Variants in FTL observed in about 807,000 individuals in gnomAD.
FTL encodes ferritin light chain.
A neutral mutation model predicts 16.6 loss-of-function variants in FTL; 17 were observed. The observed-to-expected ratio is 1.02, with a 90% CI of 0.70 to 1.53. The LOEUF is 1.53. Among genes scored for constraint, FTL ranks in the 40% most tolerant of loss-of-function variants. The pLI, the probability that FTL is intolerant of heterozygous loss-of-function variation, is 0.00. For synonymous variants in FTL, 73 were observed against 89.9 expected, an observed-to-expected ratio of 0.81 and a Z score of 1.06; for missense variants, 186 against 226.1, an observed-to-expected ratio of 0.82 and a Z score of 1.14.
intron 1 of FTL, 35 bp from the exon 2 acceptor site, chr19:48,965,735 C>G: frequency 6.2e-7 from 1 of 1,614,068 alleles, no homozygotes; most frequent in South Asian, 1.1e-5. Context: ...GCCTCGCCTC[C>G]CGCTAACCAT....
Position 48,966,417 on chromosome 19 carries a change from G to A in FTL, c.375+11G>A, listed in dbSNP as rs761845304. 8.7e-6 allele frequency: 14 copies of A among 1,614,042 alleles called. No individual in the cohort carries two copies. Among genetic ancestry groups the A allele is most frequent in the East Asian group, 2.2e-5 (1 of 44,886 alleles). On this transcript the variant is annotated intron_variant, in intron 3 of 3. Coordinates refer to ENST00000331825, the MANE Select transcript of FTL (RefSeq NM_000146.4). ...CGCACGGACCCCCATGTACGTACCC[G>A]CTGCATCCATGGCTACCCAACCATA...
chr19:48,966,416 C>G lies in FTL; in HGVS notation c.375+10C>G, dbSNP rs373135198. On this transcript the variant is annotated intron_variant, in intron 3 of 3. Coordinates refer to ENST00000331825, the MANE Select transcript of FTL (RefSeq NM_000146.4). Reference sequence around the variant, plus strand: ...CCGCACGGACCCCCATGTACGTACCCGCTGCATCCATGGCTACCCAACCAT... The same window carrying G: ...CCGCACGGACCCCCATGTACGTACCGGCTGCATCCATGGCTACCCAACCAT... 3 of 1,613,968 alleles carry G rather than the reference C, an allele frequency of 1.9e-6. No individual in the cohort carries two copies. Among genetic ancestry groups the G allele is most frequent in the Admixed American group, 3.3e-5 (2 of 59,998 alleles).
chr19:48,965,643 C>A (rs1309191307), intron 1 of FTL, 34 bp downstream of exon 1: 3 of 1,603,244 alleles, frequency 1.9e-6, no homozygotes, highest in Non-Finnish European at 2.6e-6. Context: ...CCCTAATTTC[C>A]TCCAGCTGCG....
At chr19:48,965,698 GGGTA>G (rs879915309) in intron 1 of FTL, 68 bp from the exon 2 acceptor site, 51 of 1,608,866 alleles carry the variant, frequency 3.2e-5, no homozygotes, top group Non-Finnish European at 4.3e-5. Context: ...TTGTGCGGTC[GGGTA>G]AACAGAGGGC....
rs2038459506 is a variant in FTL at position 48,966,618 on chromosome 19, G to A, written c.411G>A (p.Glu137=). 3 of 1,613,988 alleles carry A rather than the reference G, an allele frequency of 1.9e-6. No homozygotes were observed. Among genetic ancestry groups the A allele is most frequent in the African/African-American group, 1.3e-5 (1 of 74,894 alleles). ...CDFLETHFLD[E]EVKLIKKMGD... is the part of the protein sequence containing the mutation. ...TCCTGGAGACTCACTTCCTAGATGA[G>A]GAAGTGAAGCTTATCAAGAAGATGG... is the stretch of plus-strand genomic sequence containing the variant. Residue 137 remains glutamate (E), a synonymous_variant, in exon 4 of 4, where the codon GAG becomes GAA. Coordinates refer to ENST00000331825, the MANE Select transcript of FTL (RefSeq NM_000146.4).
At position 48,965,851 on chromosome 19, in the gene FTL, G is replaced by A. The variant is rs549311032; in HGVS notation, c.184G>A (p.Gly62Ser). ...FRELAEEKRE[G>S]YERLLKMQNQ... ...CGAATTGGCCGAGGAGAAGCGCGAG[G>A]GCTACGAGCGTCTCCTGAAGATGCA... Residue 62 changes from glycine (G) to serine (S), a missense_variant, in exon 2 of 4, where the codon GGC (glycine) becomes AGC (serine). Physicochemically the swap from Gly to Ser is moderately conservative, Grantham distance 56. Transcript: ENST00000331825. 4 of 1,614,172 alleles carry A rather than the reference G, an allele frequency of 2.5e-6. No individual in the cohort carries two copies. Among genetic ancestry groups the A allele is most frequent in the Non-Finnish European group, 3.4e-6 (4 of 1,180,034 alleles).
intron 2 of FTL, 163 bp downstream of exon 2, chr19:48,966,079 C>A: frequency 8.4e-7 from 1 of 1,184,142 alleles, no homozygotes; most frequent in Non-Finnish European, 1.2e-6. Context: ...GCAGTGCCCA[C>A]AACACGCGGC....
rs138091847 is a variant in FTL, at chr19:48,966,782, T to C, written c.*47T>C. 681 of 1,601,292 alleles carry C rather than the reference T, an allele frequency of 4.3e-4. 2 individuals are homozygous for C. In the African/African-American group the frequency reaches 7.2e-3, roughly 17 times the overall value. On this transcript the variant is annotated 3_prime_UTR_variant, in exon 4 of 4. Coordinates refer to ENST00000331825, the MANE Select transcript of FTL (RefSeq NM_000146.4). ...TTCTGAAGGGCCCCTTGCAAAGTAATAGGGCTTCTGCCTAAGCCTCTCCCT... is the reference window on the plus strand; with the variant it reads ...TTCTGAAGGGCCCCTTGCAAAGTAACAGGGCTTCTGCCTAAGCCTCTCCCT...
Position 48,965,595 on chromosome 19 carries a change from A to C in FTL, c.88A>C (p.Thr30Pro), listed in dbSNP as rs1600121380. ...LVNLYLQASY[T>P]YLSLGFYFDR... ...CAATTTGTACCTGCAGGCCTCCTAC[A>C]CCTACCTCTCTCTGGTGAGTCCCCA... The change falls in exon 1 of 4, where the codon ACC becomes CCC. Residue 30 changes from threonine to proline, a missense_variant. Thr to Pro is a conservative substitution (Grantham distance 38). Transcript: ENST00000331825. The C allele has an allele frequency of 6.2e-7, 1 of 1,613,160 alleles. No individual in the cohort carries two copies. Among genetic ancestry groups the C allele is most frequent in the Non-Finnish European group, 8.5e-7 (1 of 1,179,288 alleles).
chr19:48,966,528 C>G lies in FTL; in HGVS notation c.376-55C>G, dbSNP rs910135389. On this transcript the variant is annotated intron_variant, in intron 3 of 3. Coordinates refer to ENST00000331825, the MANE Select transcript of FTL (RefSeq NM_000146.4). ...ACATTTTAATCTGCAACTGGCTGCT[C>G]TCTCCCCCTCTTTTCCAGGGATTGG... The G allele has an allele frequency of 2.5e-6, 4 of 1,612,150 alleles. No individual in the cohort carries two copies. In the African/African-American group the frequency reaches 4.0e-5, roughly 16 times the overall value.
At chr19:48,966,127 G>A in intron 2 of FTL, 154 bp from the exon 3 acceptor site, 1 of 1,288,000 alleles carries the variant, frequency 7.8e-7, no homozygotes, top group Non-Finnish European at 1.1e-6. Flanking sequence ...ACGTATAGCT[G>A]TAAGAGCTAG....
Position 48,965,505 on chromosome 19 carries a change from A to G in FTL, c.-3A>G, listed in dbSNP as rs1600121159. ...GTGGTTAGCTCCTTCTTGCCAACCA[A>G]CCATGAGCTCCCAGATTCGTCAGAA... On this transcript the variant is annotated 5_prime_UTR_variant, in exon 1 of 4. Transcript: ENST00000331825. 1 of 1,612,118 alleles carries G rather than the reference A, an allele frequency of 6.2e-7. No homozygotes were observed. Among genetic ancestry groups the G allele is most frequent in the Non-Finnish European group, 8.5e-7 (1 of 1,178,848 alleles).
intron 3 of FTL, 37 bp downstream of exon 3, chr19:48,966,443 C>T (rs2038456301): frequency 1.2e-6 from 2 of 1,614,120 alleles, no homozygotes; most frequent in Non-Finnish European, 1.7e-6. Context: ...CCCAACCATA[C>T]CCCTCAAGCC....
At position 48,965,845 on chromosome 19, in the gene FTL, C is replaced by T. The variant is rs2038446533; in HGVS notation, c.178C>T (p.Arg60Cys). 1 of 1,614,166 alleles carries T rather than the reference C, an allele frequency of 6.2e-7. No homozygotes were observed. The highest frequency in any genetic ancestry group is 8.5e-7 in the Non-Finnish European group (1 of 1,180,022). The stretch of plus-strand genomic sequence containing the variant: ...CTTCCGCGAATTGGCCGAGGAGAAG[C>T]GCGAGGGCTACGAGCGTCTCCTGAA... ...HFFRELAEEK[R>C]EGYERLLKMQ... is the part of the protein sequence containing the mutation. Residue 60 changes from arginine to cysteine, a missense_variant, in exon 2 of 4, where the codon CGC (arginine) becomes TGC (cysteine). Coordinates refer to ENST00000331825, the MANE Select transcript of FTL (RefSeq NM_000146.4).
intron 2 of FTL, 132 bp downstream of exon 2, chr19:48,966,048 G>A (rs1402529370): frequency 1.2e-5 from 16 of 1,292,708 alleles, no homozygotes; most frequent in African/African-American, 5.8e-5. Flanking sequence ...CTTAACCGCT[G>A]GAAATAGAGG....
chr19:48,966,033 G>T, intron 2 of FTL, 117 bp downstream of exon 2: 1 of 1,388,498 alleles, frequency 7.2e-7, no homozygotes, highest in South Asian at 1.2e-5. Context: ...GGTCTTGTGA[G>T]CCCTCTTAAC....
rs1471895081 is a variant in FTL, at chr19:48,966,339, T to G, written c.308T>G (p.Leu103Arg). 1 of 1,614,146 alleles carries G rather than the reference T, an allele frequency of 6.2e-7. No individual in the cohort carries two copies. Among genetic ancestry groups the G allele is most frequent in the Admixed American group, 1.7e-5 (1 of 60,016 alleles). Residue 103 changes from leucine (L) to arginine (R), a missense_variant, in exon 3 of 4, where the codon CTG becomes CGG. Physicochemically the swap from Leu to Arg is moderately radical, Grantham distance 102 (BLOSUM62 -2). Transcript: ENST00000331825. ...GACGCCATGAAAGCTGCCATGGCCC[T>G]GGAGAAAAAGCTGAACCAGGCCCTT... ...TPDAMKAAMA[L>R]EKKLNQALLD...
rs1484067921 is a variant in FTL, at chr19:48,966,674, G to A, written c.467G>A (p.Gly156Asp). The change falls in exon 4 of 4, where the codon GGT (glycine) becomes GAT (aspartate). Residue 156 changes from glycine to aspartate, a missense_variant. Coordinates refer to ENST00000331825, the MANE Select transcript of FTL (RefSeq NM_000146.4). Reference sequence around the variant, plus strand: ...CACCTGACCAACCTCCACAGGCTGGGTGGCCCGGAGGCTGGGCTGGGCGAG... The same window carrying A: ...CACCTGACCAACCTCCACAGGCTGGATGGCCCGGAGGCTGGGCTGGGCGAG... The part of the protein sequence containing the change: ...GDHLTNLHRL[G>D]GPEAGLGEYL... The A allele has an allele frequency of 6.2e-7, 1 of 1,613,732 alleles. No individual in the cohort carries two copies. The highest frequency in any genetic ancestry group is 8.5e-7 in the Non-Finnish European group (1 of 1,179,988).
At chr19:48,966,175 T>C (rs2038451602) in intron 2 of FTL, 106 bp from the exon 3 acceptor site, 5 of 1,509,408 alleles carry the variant, frequency 3.3e-6, no homozygotes, top group Middle Eastern at 2.3e-4. Flanking sequence ...AGCTGTCACA[T>C]GTCTTTGTGG....
Sources: allele counts gnomAD v4.1 joint callset, GRCh38; gene constraint gnomAD v4.1.1; transcripts MANE v1.5; gene names NCBI Gene and HGNC (gene_info 2026-07-23, HGNC 2026-07-21).